The following PTPRT variants were observed in gnomAD, a reference collection of about 807,000 sequenced individuals.
PTPRT encodes protein tyrosine phosphatase receptor type T.
A neutral mutation model predicts 176.8 loss-of-function variants in PTPRT; 56 were observed. The observed-to-expected ratio is 0.32, with a 90% confidence interval of 0.26 to 0.40. The LOEUF (loss-of-function observed/expected upper bound fraction) is 0.40, where lower values mean the gene tolerates loss of function less well. Ranked by LOEUF, PTPRT falls within the 10% of genes least tolerant of loss-of-function variation. PTPRT has a pLI of 1.00. For synonymous variants in PTPRT, 783 were observed against 739.0 expected (o/e 1.06, Z -0.96); for missense variants, 1,540 against 1,908.2 (o/e 0.81, Z 3.60).
At chr20:42,184,362 T>C (rs963762374) in intron 16 of PTPRT, among the ~76,000 whole-genome samples, 1 of 152,166 alleles carries the variant, frequency 6.6e-6, no homozygotes, top group Non-Finnish European at 1.5e-5. Flanking sequence ...TATGATGTTT[T>C]CTTTGATCAC....
chr20:42,643,426 T>C (rs2074809211), intron 7 of PTPRT, among the ~76,000 whole-genome samples: 1 of 152,054 alleles, frequency 6.6e-6, no homozygotes, highest in Non-Finnish European at 1.5e-5. Flanking sequence ...GTTCAAGTGA[T>C]TCTCCTGTCC....
At chr20:42,418,762 G>C (rs1323420612) in intron 9 of PTPRT, among the ~76,000 whole-genome samples, 1 of 152,102 alleles carries the variant, frequency 6.6e-6, no homozygotes, top group African/African-American at 2.4e-5. Context: ...TCATGTTATG[G>C]GAAATCCCTG....
chr20:42,934,256 G>A (rs1980039369), intron 1 of PTPRT, among the ~76,000 whole-genome samples: 1 of 152,194 alleles, frequency 6.6e-6, no homozygotes, highest in Non-Finnish European at 1.5e-5. Flanking sequence ...GAAAGAGAAG[G>A]AATATGTGAA....
chr20:42,468,360 G>A (rs1454460630), intron 8 of PTPRT, among the ~76,000 whole-genome samples: 2 of 152,198 alleles, frequency 1.3e-5, no homozygotes, highest in Non-Finnish European at 2.9e-5. Context: ...AACAGAAGTG[G>A]TGCTTCCTCT....
chr20:42,513,674 AAC>A (rs1277281315), intron 7 of PTPRT, among the ~76,000 whole-genome samples: 1 of 152,172 alleles, frequency 6.6e-6, no homozygotes, highest in Admixed American at 6.6e-5. Context: ...TCATCAGAAG[AAC>A]ACTCTTCACC....
intron 6 of PTPRT, among the ~76,000 whole-genome samples, chr20:42,725,865 C>T (rs565127852): frequency 3.3e-5 from 5 of 150,770 alleles, no homozygotes; most frequent in African/African-American, 7.2e-5. Flanking sequence ...GATACATGCA[C>T]GTGTGTGTTC....
chr20:43,044,912 C>A (rs961919323), intron 1 of PTPRT, among the ~76,000 whole-genome samples: 2 of 152,174 alleles, frequency 1.3e-5, no homozygotes, highest in Non-Finnish European at 1.5e-5. Context: ...AATTGGTATT[C>A]CACTCTCCTA....
chr20:42,035,105 A>C, the PTPRT span, among the ~76,000 whole-genome samples: 1 of 152,118 alleles, frequency 6.6e-6, no homozygotes, highest in Non-Finnish European at 1.5e-5. Flanking sequence ...CAGGAAGCCC[A>C]TGTCCGTCTG....
intron 9 of PTPRT, among the ~76,000 whole-genome samples, chr20:42,388,259 A>G (rs920295420): frequency 2.0e-5 from 3 of 152,190 alleles, no homozygotes; most frequent in East Asian, 1.9e-4. Flanking sequence ...GACAACAAAA[A>G]CCAAAATTGA....
intron 6 of PTPRT, among the ~76,000 whole-genome samples, chr20:42,725,943 T>A (rs2076372629): frequency 6.6e-6 from 1 of 152,032 alleles, no homozygotes; most frequent in African/African-American, 2.4e-5. Flanking sequence ...TGGGCCCAGA[T>A]AAATTGGTAT....
At chr20:42,785,238 T>C (rs1600735170) in intron 3 of PTPRT, among the ~76,000 whole-genome samples, 1 of 152,222 alleles carries the variant, frequency 6.6e-6, no homozygotes, top group Admixed American at 6.5e-5. Context: ...ACCCCCGGCC[T>C]TGCCAAAAGT....
intron 2 of PTPRT, among the ~76,000 whole-genome samples, chr20:42,875,283 A>T (rs1420173551): frequency 6.6e-6 from 1 of 152,200 alleles, no homozygotes; most frequent in Non-Finnish European, 1.5e-5. Flanking sequence ...ACTTGTTCAT[A>T]ACCATCACCA....
intron 1 of PTPRT, among the ~76,000 whole-genome samples, chr20:43,149,702 A>T (rs1037554295): frequency 9.2e-5 from 14 of 152,216 alleles, no homozygotes; most frequent in Admixed American, 7.9e-4. Flanking sequence ...TTTCTCACTT[A>T]GCAACCATGC....
intron 9 of PTPRT, among the ~76,000 whole-genome samples, chr20:42,388,180 G>T (rs558772783): frequency 6.6e-6 from 1 of 152,296 alleles, no homozygotes; most frequent in South Asian, 2.1e-4. Context: ...GTTAAGAAAC[G>T]TGATATAGCA....
intron 7 of PTPRT, among the ~76,000 whole-genome samples, chr20:42,571,005 C>T (rs6130167): frequency 6.6e-6 from 1 of 152,132 alleles, no homozygotes; most frequent in Non-Finnish European, 1.5e-5. Context: ...CTGCAACAAC[C>T]TAAGCCCCCC....
chr20:42,532,295 G>T (rs1309259588), intron 7 of PTPRT, among the ~76,000 whole-genome samples: 3 of 152,172 alleles, frequency 2.0e-5, no homozygotes, highest in African/African-American at 7.2e-5. Flanking sequence ...TATAAGGAAT[G>T]CACAAGTGCT....
At chr20:43,075,946 A>C (rs184184544) in intron 1 of PTPRT, among the ~76,000 whole-genome samples, 158 of 152,284 alleles carry the variant, frequency 1.0e-3, no homozygotes, top group Non-Finnish European at 5.1e-4. Flanking sequence ...TTTGCTTGCC[A>C]AAACTCCAGA....
At chr20:42,351,897 C>T (rs1391666290) in intron 10 of PTPRT, among the ~76,000 whole-genome samples, 187 bp downstream of exon 10, 1 of 152,200 alleles carries the variant, frequency 6.6e-6, no homozygotes. Flanking sequence ...CTAATTTTTA[C>T]ACTTTAGGAA....
intron 1 of PTPRT, among the ~76,000 whole-genome samples, chr20:42,998,807 G>A (rs565659718): frequency 1.3e-5 from 2 of 152,116 alleles, no homozygotes; most frequent in African/African-American, 2.4e-5. Flanking sequence ...AGCTAAGACC[G>A]AGTGACTTGC....
Sources: gnomAD v4.1 joint callset for allele counts (sites outside exome capture counted in the v4.1 genomes callset) on GRCh38, gnomAD v4.1.1 for gene constraint, MANE v1.5 for transcripts, NCBI Gene and HGNC (gene_info 2026-07-23, HGNC 2026-07-21) for gene names.